XKR9: variants seen among roughly 807,000 people sequenced by gnomAD.
The protein encoded by XKR9 is XK related 9, also known as XK-related protein 9.
Under a neutral mutation model 32.0 loss-of-function variants are expected in XKR9, and 32 were observed. The ratio of observed to expected loss-of-function variants is 1.00; its 90% CI spans 0.76 to 1.34. The LOEUF (loss-of-function observed/expected upper bound fraction) is 1.34, where lower values mean the gene tolerates loss of function less well. XKR9 is among the 40% of genes most tolerant of loss of function. The probability of loss-of-function intolerance (pLI) is 0.00; values close to 1 mark genes in which losing one functional copy is unlikely to be tolerated. For synonymous variants in XKR9, 168 were observed against 143.4 expected, an observed-to-expected ratio of 1.17 and a Z score of -1.22; for missense variants, 546 against 429.7, an observed-to-expected ratio of 1.27 and a Z score of -2.39.
downstream of XKR9, among the ~76,000 whole-genome samples, chr8:70,736,110 T>A (rs1351160986): frequency 2.0e-5 from 3 of 152,152 alleles, no homozygotes; most frequent in African/African-American, 4.8e-5. Flanking sequence ...TTTCTCCACA[T>A]CCTCTCCAGC....
the XKR9 span, among the ~76,000 whole-genome samples, chr8:71,062,758 T>C: frequency 1.3e-5 from 2 of 151,990 alleles, no homozygotes; most frequent in African/African-American, 4.8e-5. Flanking sequence ...AAGGTGTTAA[T>C]AGTGCACCAT....
intron 4 of XKR9, among the ~76,000 whole-genome samples, chr8:70,709,637 C>A (rs148616955): frequency 2.6e-5 from 4 of 152,178 alleles, no homozygotes; most frequent in African/African-American, 9.6e-5. Context: ...AAAACAGTAG[C>A]ATTTTTTTAC....
At chr8:70,804,287 C>T in the XKR9 span, among the ~76,000 whole-genome samples, 1 of 152,220 alleles carries the variant, frequency 6.6e-6, no homozygotes. Flanking sequence ...TAACAGGAGG[C>T]TACGCCCTTC....
intron 2 of XKR9, among the ~76,000 whole-genome samples, chr8:70,676,009 C>A (rs1818873537): frequency 6.6e-6 from 1 of 152,132 alleles, no homozygotes. Flanking sequence ...TAAAGAAATA[C>A]CTGAGACTGG....
rs185187798 is a variant in XKR9 at position 70,764,620 on chromosome 8, C to A, written n.353-24719C>A. Among the ~76,000 whole-genome samples, 9 of 152,108 alleles carry A rather than the reference C, an allele frequency of 5.9e-5. No homozygotes were observed. In the East Asian group the frequency reaches 1.7e-3, roughly 29 times the overall value. On this transcript the variant is annotated intron_variant and non_coding_transcript_variant, in intron 2 of 3. Coordinates refer to the XKR9 transcript ENST00000520273. ...ATTTTGTTTTATTATACTTTAAATTCTGGGGTACATGTGCAGAATGTGTAG... is the reference window on the plus strand; with the variant it reads ...ATTTTGTTTTATTATACTTTAAATTATGGGGTACATGTGCAGAATGTGTAG...
In XKR9 at chr8:70,758,566, T is replaced by G. The variant is rs188343256; in HGVS notation, n.353-30773T>G. ...AATAACTTTTTAAAAAATATGGGAT[T>G]ACCCAGATAATGTGGAATCAGAGAT... On this transcript the variant is annotated intron_variant and non_coding_transcript_variant, in intron 2 of 3. Coordinates refer to the XKR9 transcript ENST00000520273. Among the ~76,000 whole-genome samples, 4 of 152,300 alleles carry G rather than the reference T, an allele frequency of 2.6e-5. No homozygotes were observed. The East Asian group carries it at 5.8e-4, about 22-fold the overall frequency.
rs543608598 is a variant in XKR9, at chr8:70,681,696, T to C, written c.272+366T>C. Among the ~76,000 whole-genome samples, 6 of 152,252 alleles carry C rather than the reference T, an allele frequency of 3.9e-5. No homozygotes were observed. The South Asian group carries it at 1.2e-3, about 32-fold the overall frequency. On this transcript the variant is annotated intron_variant, in intron 3 of 4. Coordinates refer to ENST00000408926, the MANE Select transcript of XKR9 (RefSeq NM_001011720.2). The stretch of plus-strand genomic sequence containing the variant: ...GAGAGAGTACTCACTTTTTTGATAC[T>C]TATCATTGATTTAACTAAATGAAAT...
the XKR9 span, among the ~76,000 whole-genome samples, chr8:71,019,107 C>T: frequency 5.6e-4 from 85 of 152,162 alleles, no homozygotes; most frequent in African/African-American, 2.0e-3. Context: ...TACATGTGAT[C>T]CAAGGGGGAA....
the XKR9 span, among the ~76,000 whole-genome samples, chr8:70,797,758 TGTGTAAC>T: frequency 6.6e-6 from 1 of 152,160 alleles, no homozygotes; most frequent in Non-Finnish European, 1.5e-5. Flanking sequence ...TTTGTGTCCA[TGTGTAAC>T]CAGTGTTTAG....
the XKR9 span, among the ~76,000 whole-genome samples, chr8:70,980,131 G>C: frequency 6.6e-6 from 1 of 152,220 alleles, no homozygotes; most frequent in Non-Finnish European, 1.5e-5. Context: ...GCAGTATTTA[G>C]GTGGAAGTGT....
chr8:70,787,522 G>T (rs1238120933), intron 2 of XKR9, among the ~76,000 whole-genome samples: 1 of 152,066 alleles, frequency 6.6e-6, no homozygotes, highest in Non-Finnish European at 1.5e-5. Context: ...GTGTTTAGGT[G>T]CTTTAGCATA....
chr8:70,870,806 A>G, the XKR9 span, among the ~76,000 whole-genome samples: 1 of 152,210 alleles, frequency 6.6e-6, no homozygotes, highest in Non-Finnish European at 1.5e-5. Flanking sequence ...GCTCATATTC[A>G]TTGAAGTGTT....
chr8:70,928,683 T>C, the XKR9 span, among the ~76,000 whole-genome samples: 1 of 152,244 alleles, frequency 6.6e-6, no homozygotes, highest in East Asian at 1.9e-4. Context: ...GGACATACTT[T>C]CCTGGATTTG....
chr8:70,720,510 G>C (rs993497755), intron 4 of XKR9, among the ~76,000 whole-genome samples: 2 of 152,100 alleles, frequency 1.3e-5, no homozygotes, highest in African/African-American at 2.4e-5. Flanking sequence ...TAGCATGAAG[G>C]GGTGTTGAAT....
chr8:70,688,437 G>A (rs13251878), intron 3 of XKR9, among the ~76,000 whole-genome samples: 17,502 of 151,116 alleles, frequency 0.12, 1,229 homozygotes, highest in African/African-American at 0.2. Context: ...TTTTTTTTGG[G>A]ATGGAGTCTT....
chr8:70,802,166 G>C, the XKR9 span, among the ~76,000 whole-genome samples: 1 of 152,018 alleles, frequency 6.6e-6, no homozygotes, highest in African/African-American at 2.4e-5. Flanking sequence ...TTGATCTCCT[G>C]ACCTCGTGAG....
chr8:70,869,419 GA>G, the XKR9 span, among the ~76,000 whole-genome samples: 2 of 152,304 alleles, frequency 1.3e-5, no homozygotes, highest in East Asian at 3.9e-4. Context: ...GTAGAGAGAA[GA>G]GAGGACTTGT....
At chr8:70,767,249 G>A (rs530676872) in intron 2 of XKR9, among the ~76,000 whole-genome samples, 3 of 152,148 alleles carry the variant, frequency 2.0e-5, no homozygotes, top group South Asian at 4.1e-4. Context: ...TTGGTTGGTA[G>A]GCTATTAATT....
the XKR9 span, among the ~76,000 whole-genome samples, chr8:70,816,736 C>CAAAATATTAGTA: frequency 2.2e-3 from 339 of 151,844 alleles, 1 homozygote; most frequent in African/African-American, 7.8e-3. Context: ...AGATTCTCAT[C>CAAAATATTAGTA]AACCAAACCC....
Sources: allele counts gnomAD v4.1 joint callset (sites outside exome capture counted in the v4.1 genomes callset), GRCh38; gene constraint gnomAD v4.1.1; transcripts MANE v1.5; gene names NCBI Gene and HGNC (gene_info 2026-07-23, HGNC 2026-07-21).